Variants in DCAF1 observed in about 807,000 individuals in gnomAD.
The protein encoded by DCAF1 is DDB1- and CUL4-associated factor 1.
DCAF1 carries 15 observed loss-of-function variants against 128.0 expected under a neutral mutation model. The observed-to-expected ratio is 0.12, with a 90% CI of 0.08 to 0.18. DCAF1 has a LOEUF of 0.18. DCAF1 is among the 10% of genes least tolerant of loss of function. DCAF1 has a pLI of 1.00. For missense variants in DCAF1, 988 were observed against 1,649.5 expected, an observed-to-expected ratio of 0.60 and a Z score of 6.95; for synonymous variants, 610 against 603.0, an observed-to-expected ratio of 1.01 and a Z score of -0.17.
At chr3:51,431,519 CAAAAAAAAAA>C (rs5848921) in intron 10 of DCAF1, among the ~76,000 whole-genome samples, 2 of 64,154 alleles carry the variant, frequency 3.1e-5, no homozygotes, top group East Asian at 5.3e-4. Context: ...GATTCCGTCT[CAAAAAAAAAA>C]AAAAAAAAAG....
At chr3:51,478,015 T>C (rs957619913) in intron 3 of DCAF1, among the ~76,000 whole-genome samples, 7 of 152,124 alleles carry the variant, frequency 4.6e-5, no homozygotes, top group African/African-American at 1.7e-4. Context: ...GTTTTTGTTG[T>C]TGTTGTTGTT....
intron 6 of DCAF1, among the ~76,000 whole-genome samples, chr3:51,455,263 T>C (rs188751970): frequency 2.2e-3 from 330 of 152,282 alleles, no homozygotes; most frequent in African/African-American, 7.6e-3. Context: ...TCTTTATCAC[T>C]GGGAAGATCA....
In DCAF1 at chr3:51,419,827, A is replaced by G. The variant is rs782628011; in HGVS notation, c.3143T>C (p.Ile1048Thr). The G allele has an allele frequency of 5.6e-6, 9 of 1,614,014 alleles. No homozygotes were observed. Among genetic ancestry groups the G allele is most frequent in the Middle Eastern group, 1.6e-4 (1 of 6,062 alleles). Residue 1048 changes from isoleucine to threonine, a missense_variant, in exon 15 of 25, where the codon ATA (isoleucine) becomes ACA (threonine). Physicochemically the swap from Ile to Thr is moderately conservative, Grantham distance 89. Around this residue, in one of 11 missense-constraint regions of DCAF1, gnomAD observed 105 missense variants for 266.7 expected, o/e 0.39. Transcript: ENST00000684031. The stretch of plus-strand genomic sequence containing the variant: ...GCGGTTTAGCCTTGACGTAAAGTTT[A>G]TTGGCGCTTGCCGCCTCTGTTTTGG... Reference protein sequence around the residue: ...PEPKQRRQAPINFTSRLNRRA... With the variant: ...PEPKQRRQAPTNFTSRLNRRA...
intron 3 of DCAF1, 80 bp from the exon 4 acceptor site, chr3:51,471,085 C>A: frequency 1.2e-6 from 1 of 868,882 alleles, no homozygotes; most frequent in South Asian, 1.9e-5. Context: ...ATTCAACGGT[C>A]AAGGTAGAAA....
At chr3:51,454,683 G>C (rs1011914089) in intron 6 of DCAF1, among the ~76,000 whole-genome samples, 6 of 150,650 alleles carry the variant, frequency 4.0e-5, no homozygotes, top group Admixed American at 6.6e-5. Flanking sequence ...GTTTTGTTTT[G>C]TTTTTTTTGA....
At chr3:51,400,132 G>A (rs2089545567) in intron 24 of DCAF1, among the ~76,000 whole-genome samples, 2 of 152,240 alleles carry the variant, frequency 1.3e-5, no homozygotes, top group African/African-American at 2.4e-5. Context: ...GTGGGCACAA[G>A]AGTGGCCTGA....
At chr3:51,453,878 G>A (rs1043061928) in intron 6 of DCAF1, among the ~76,000 whole-genome samples, 7 of 151,936 alleles carry the variant, frequency 4.6e-5, no homozygotes, top group South Asian at 2.1e-4. Flanking sequence ...GCTTGAACCC[G>A]GGAGGCAGAG....
At chr3:51,417,002 G>C in intron 17 of DCAF1, 131 bp from the exon 18 acceptor site, 18 of 1,397,978 alleles carry the variant, frequency 1.3e-5, no homozygotes, top group Non-Finnish European at 1.7e-5. Flanking sequence ...TCCCAAAGAG[G>C]AAACAATCAT....
chr3:51,398,609 G>A lies in DCAF1; in HGVS notation c.*160C>T, dbSNP rs1353212320. 7 of 888,646 alleles carry A rather than the reference G, an allele frequency of 7.9e-6. No homozygotes were observed. Among genetic ancestry groups the A allele is most frequent in the African/African-American group, 1.7e-5 (1 of 59,336 alleles). 55.0% of individuals were successfully genotyped at this position (888,646 alleles called of 1,614,324 possible). A position where few individuals can be genotyped will look rare whatever the true frequency, so the allele number is the denominator to read the frequency against. ...GGTTATTGATTCTGGAAGGACCCTC[G>A]GGTGCCAATGAGGCTCTCTAAGCCA... is the stretch of plus-strand genomic sequence containing the variant. On this transcript the variant is annotated 3_prime_UTR_variant, in exon 25 of 25. Transcript: ENST00000684031.
At chr3:51,462,499 A>G (rs887115373) in intron 6 of DCAF1, among the ~76,000 whole-genome samples, 6 of 152,118 alleles carry the variant, frequency 3.9e-5, no homozygotes, top group Non-Finnish European at 8.8e-5. Flanking sequence ...TAATGCCAGC[A>G]CTTTGGGAGG....
At chr3:51,493,835 G>C (rs1281088046) in intron 2 of DCAF1, among the ~76,000 whole-genome samples, 5 of 151,612 alleles carry the variant, frequency 3.3e-5, no homozygotes, top group Non-Finnish European at 7.4e-5. Flanking sequence ...CGTCTCTACT[G>C]AAAGTACAAA....
intron 2 of DCAF1, among the ~76,000 whole-genome samples, chr3:51,491,714 C>T (rs1227941603): frequency 6.6e-6 from 1 of 151,438 alleles, no homozygotes. Flanking sequence ...GGCATGGTGG[C>T]GCGCCTGTAA....
intron 1 of DCAF1, among the ~76,000 whole-genome samples, chr3:51,499,589 GC>G (rs1277838770): frequency 3.3e-5 from 5 of 151,208 alleles, no homozygotes; most frequent in East Asian, 3.9e-4. Flanking sequence ...GACACACCCC[GC>G]CCCCCCACTC....
chr3:51,479,697 G>A (rs1022662963), intron 3 of DCAF1, among the ~76,000 whole-genome samples: 12 of 152,114 alleles, frequency 7.9e-5, no homozygotes, highest in Non-Finnish European at 1.6e-4. Context: ...TCAGGAAGCT[G>A]AGGCAGGAGA....
intron 3 of DCAF1, 39 bp downstream of exon 3, chr3:51,483,680 G>GTT: frequency 7.5e-7 from 1 of 1,340,926 alleles, no homozygotes; most frequent in Non-Finnish European, 1.1e-6. Flanking sequence ...TGTGTCCGAG[G>GTT]TTTTTTATTA....
At chr3:51,437,912 GAAAGA>G (rs1701003766) in intron 9 of DCAF1, 2 of 201,718 alleles carry the variant, frequency 9.9e-6, no homozygotes, top group African/African-American at 4.8e-5. Context: ...AAAAGAAAAA[GAAAGA>G]AAACACTGTA....
At chr3:51,415,624 GT>G (rs1331011253) in intron 18 of DCAF1, among the ~76,000 whole-genome samples, 1 of 151,970 alleles carries the variant, frequency 6.6e-6, no homozygotes, top group Admixed American at 6.6e-5. Context: ...GTCTCACTTG[GT>G]TACTCAGGCT....
intron 13 of DCAF1, among the ~76,000 whole-genome samples, chr3:51,422,893 T>G (rs1699537054): frequency 6.6e-6 from 1 of 151,716 alleles, no homozygotes; most frequent in Non-Finnish European, 1.5e-5. Context: ...GTTTTATCTT[T>G]TTCTATAAAA....
intron 2 of DCAF1, among the ~76,000 whole-genome samples, chr3:51,489,927 G>A (rs1707438914): frequency 6.6e-6 from 1 of 151,806 alleles, no homozygotes; most frequent in African/African-American, 2.4e-5. Flanking sequence ...CCTGTATACA[G>A]AAAATCCTAA....
Sources: gnomAD v4.1 joint callset for allele counts (sites outside exome capture counted in the v4.1 genomes callset) on GRCh38, gnomAD v4.1.1 for gene constraint, gnomAD v4.1.1 regional missense constraint, MANE v1.5 for transcripts, NCBI Gene and HGNC (gene_info 2026-07-23, HGNC 2026-07-21) for gene names.